The following FAF1 variants were observed in gnomAD, a reference collection of about 807,000 sequenced individuals.
The protein encoded by FAF1 is FAS-associated factor 1.
In FAF1, 25 loss-of-function variants were observed where a neutral mutation model predicts 92.5. That is an observed-to-expected ratio of 0.27 (90% CI 0.20 to 0.38). The LOEUF (loss-of-function observed/expected upper bound fraction) is 0.38, where lower values mean the gene tolerates loss of function less well. FAF1 is among the 10% of genes least tolerant of loss of function. FAF1 has a pLI of 1.00. For missense variants in FAF1, 636 were observed against 793.3 expected, an observed-to-expected ratio of 0.80 and a Z score of 2.38; for synonymous variants, 234 against 273.2, an observed-to-expected ratio of 0.86 and a Z score of 1.42.
At chr1:50,841,855 C>T (rs1411522882) in intron 2 of FAF1, among the ~76,000 whole-genome samples, 1 of 151,910 alleles carries the variant, frequency 6.6e-6, no homozygotes, top group African/African-American at 2.4e-5. Context: ...TTAATGATTC[C>T]AAAACTTCAC....
At chr1:50,841,431 ATGG>A (rs1229125629) in intron 2 of FAF1, among the ~76,000 whole-genome samples, 2 of 152,100 alleles carry the variant, frequency 1.3e-5, no homozygotes, top group Non-Finnish European at 2.9e-5. Flanking sequence ...GTAGTGTAAG[ATGG>A]TGACTTTCTC....
intron 18 of FAF1, among the ~76,000 whole-genome samples, chr1:50,463,644 T>C (rs1646459938): frequency 6.6e-6 from 1 of 152,214 alleles, no homozygotes; most frequent in Non-Finnish European, 1.5e-5. Context: ...GAAAATTAAA[T>C]GACAGAATAC....
chr1:50,868,013 T>C (rs1056286736), intron 1 of FAF1, among the ~76,000 whole-genome samples: 4 of 152,044 alleles, frequency 2.6e-5, no homozygotes, highest in East Asian at 1.9e-4. Flanking sequence ...AGAAACAAAA[T>C]AATGGCACTC....
chr1:50,652,303 T>C (rs1391865622), intron 8 of FAF1, among the ~76,000 whole-genome samples: 1 of 152,218 alleles, frequency 6.6e-6, no homozygotes, highest in Admixed American at 6.5e-5. Context: ...AATTAAATGT[T>C]ATAAAAACCA....
In FAF1 at chr1:50,790,482, A is replaced by G. The variant is rs77850159; in HGVS notation, c.162-2277T>C. ...GGCTGTATCCTCTGCCCTGAGCTTA[A>G]GATTTTATACATAGGAGGCACTCAA... On this transcript the variant is annotated intron_variant, in intron 3 of 18. Coordinates refer to ENST00000396153, the MANE Select transcript of FAF1 (RefSeq NM_007051.3). 7.1e-4 allele frequency among the ~76,000 whole-genome samples: 108 copies of G among 152,266 alleles called. 5 individuals carry two copies. The East Asian group carries it at 0.02, about 28-fold the overall frequency.
At chr1:50,819,752 C>CGTATATATATATGT (rs1459909325) in intron 2 of FAF1, among the ~76,000 whole-genome samples, 1 of 20,626 alleles carries the variant, frequency 4.8e-5, no homozygotes, top group Non-Finnish European at 1.0e-4. Flanking sequence ...TATATATATA[C>CGTATATATATATGT]ATATATATAT....
chr1:50,903,401 C>T (rs769602724), intron 1 of FAF1, among the ~76,000 whole-genome samples: 2 of 152,120 alleles, frequency 1.3e-5, no homozygotes, highest in Non-Finnish European at 2.9e-5. Flanking sequence ...ATAGTCTCCT[C>T]AAGATATGAC....
chr1:50,532,801 AT>A (rs2149036311), intron 15 of FAF1, among the ~76,000 whole-genome samples: 2 of 152,176 alleles, frequency 1.3e-5, no homozygotes, highest in East Asian at 3.9e-4. Context: ...ATATTTTAAA[AT>A]TTATCTTTTT....
intron 1 of FAF1, among the ~76,000 whole-genome samples, chr1:50,878,127 A>C (rs1434947198): frequency 6.6e-6 from 1 of 152,212 alleles, no homozygotes. Flanking sequence ...TCAGACATAC[A>C]AAAGACCACC....
At chr1:50,812,033 C>A (rs541164667) in intron 2 of FAF1, among the ~76,000 whole-genome samples, 12 of 151,984 alleles carry the variant, frequency 7.9e-5, no homozygotes, top group Middle Eastern at 3.2e-3. Flanking sequence ...GAAACTGGGC[C>A]CCTTCCATAC....
intron 1 of FAF1, among the ~76,000 whole-genome samples, chr1:50,917,624 A>AAGGAAAGG (rs755873261): frequency 1.4e-5 from 1 of 72,248 alleles, no homozygotes; most frequent in Non-Finnish European, 2.7e-5. Flanking sequence ...AGGGAAAGGA[A>AAGGAAAGG]AAAGGAAAGG....
chr1:50,565,968 C>T (rs1451483431), intron 13 of FAF1, among the ~76,000 whole-genome samples: 1 of 152,042 alleles, frequency 6.6e-6, no homozygotes, highest in Non-Finnish European at 1.5e-5. Flanking sequence ...CTTTTCATCA[C>T]CTTTAACTGA....
rs1157332093 is a variant in FAF1, at chr1:50,819,740, CATATATATATACATATATATATACGT to C, written c.115-18089_115-18064del. 1.4e-3 allele frequency among the ~76,000 whole-genome samples: 38 copies of C among 28,012 alleles called. 2 individuals carry two copies. The highest frequency in any genetic ancestry group is 0.014 in the Middle Eastern group (1 of 72). 18.4% of individuals were successfully genotyped at this position (28,012 alleles called of 152,430 possible). A position where few individuals can be genotyped will look rare whatever the true frequency, so the allele number is the denominator to read the frequency against. ...ACGTATATATATATACATATATATA[CATATATATATACATATATATATACGT>C]ATATATATATACATATATATACATA... On this transcript the variant is annotated intron_variant, in intron 2 of 18. Coordinates refer to ENST00000396153, the MANE Select transcript of FAF1 (RefSeq NM_007051.3).
intron 2 of FAF1, among the ~76,000 whole-genome samples, chr1:50,819,082 T>C (rs1644005774): frequency 6.6e-6 from 1 of 152,188 alleles, no homozygotes; most frequent in South Asian, 2.1e-4. Context: ...GTGGAGCATT[T>C]TGGATTTCAG....
chr1:50,894,067 G>A (rs1356962090), intron 1 of FAF1, among the ~76,000 whole-genome samples: 1 of 152,082 alleles, frequency 6.6e-6, no homozygotes, highest in African/African-American at 2.4e-5. Flanking sequence ...GAGAGGCCAA[G>A]GTGGGCAGAA....
At chr1:50,882,302 T>C (rs1644618313) in intron 1 of FAF1, among the ~76,000 whole-genome samples, 1 of 152,132 alleles carries the variant, frequency 6.6e-6, no homozygotes, top group African/African-American at 2.4e-5. Context: ...GCATTAAATA[T>C]ACATATGTAG....
chr1:50,635,568 G>T (rs1395281090), intron 8 of FAF1, among the ~76,000 whole-genome samples: 2 of 152,066 alleles, frequency 1.3e-5, no homozygotes, highest in African/African-American at 2.4e-5. Flanking sequence ...TGCGACCACG[G>T]GTGCATGCCA....
intron 2 of FAF1, among the ~76,000 whole-genome samples, chr1:50,810,327 AAAC>A (rs937304258): frequency 2.6e-5 from 4 of 152,210 alleles, no homozygotes; most frequent in Non-Finnish European, 4.4e-5. Context: ...ACTAAAAACA[AAAC>A]AACATGATCA....
intron 18 of FAF1, among the ~76,000 whole-genome samples, chr1:50,456,078 C>CA (rs200522407): frequency 3.4e-4 from 52 of 150,924 alleles, no homozygotes; most frequent in African/African-American, 1.1e-3. Flanking sequence ...CTGCTTTAAA[C>CA]AAAAAAAAAT....
Sources: allele counts gnomAD v4.1 joint callset (sites outside exome capture counted in the v4.1 genomes callset), GRCh38; gene constraint gnomAD v4.1.1; transcripts MANE v1.5; gene names NCBI Gene and HGNC (gene_info 2026-07-23, HGNC 2026-07-21).